Variants in PBX3 observed in about 807,000 individuals in gnomAD.
PBX3 encodes the protein PBX homeobox 3, also known as pre-B-cell leukemia transcription factor 3.
Under a neutral mutation model 48.5 loss-of-function variants are expected in PBX3, and 14 were observed. The observed-to-expected ratio is 0.29, with a 90% CI of 0.19 to 0.45. PBX3 has a LOEUF of 0.45. Ranked by LOEUF, PBX3 falls within the 20% of genes least tolerant of loss-of-function variation. The pLI, the probability that PBX3 is intolerant of heterozygous loss-of-function variation, is 1.00. For synonymous variants in PBX3, 210 were observed against 200.3 expected, an observed-to-expected ratio of 1.05 and a Z score of -0.41; for missense variants, 386 against 546.7, an observed-to-expected ratio of 0.71 and a Z score of 2.93.
At chr9:125,780,689 G>A (rs1412037915) in intron 2 of PBX3, among the ~76,000 whole-genome samples, 6 of 130,248 alleles carry the variant, frequency 4.6e-5, no homozygotes, top group African/African-American at 1.5e-4. Flanking sequence ...CCGGGCGGGG[G>A]GCTGACCACC....
intron 2 of PBX3, among the ~76,000 whole-genome samples, chr9:125,902,642 T>A (rs1462556517): frequency 6.6e-6 from 1 of 151,770 alleles, no homozygotes; most frequent in African/African-American, 2.4e-5. Context: ...GCTACCTTTT[T>A]AAATATTTGA....
At chr9:125,863,476 C>G (rs898808236) in intron 2 of PBX3, among the ~76,000 whole-genome samples, 1 of 152,144 alleles carries the variant, frequency 6.6e-6, no homozygotes, top group Non-Finnish European at 1.5e-5. Context: ...TCCCAAAGTG[C>G]TGGGATTACA....
intron 2 of PBX3, among the ~76,000 whole-genome samples, chr9:125,911,506 A>C (rs1015559298): frequency 2.0e-5 from 3 of 152,168 alleles, no homozygotes; most frequent in Non-Finnish European, 4.4e-5. Context: ...GAAAAATTAT[A>C]AGAATAACAG....
intron 2 of PBX3, among the ~76,000 whole-genome samples, chr9:125,862,076 A>G (rs1056355143): frequency 1.3e-5 from 2 of 152,208 alleles, no homozygotes; most frequent in African/African-American, 4.8e-5. Context: ...ACATTTCTGA[A>G]ATCAGGATGC....
At chr9:125,758,850 C>T (rs1028726531) in intron 2 of PBX3, among the ~76,000 whole-genome samples, 1 of 152,086 alleles carries the variant, frequency 6.6e-6, no homozygotes, top group Admixed American at 6.5e-5. Context: ...TGCTTTAAAT[C>T]TAAAGTAATA....
rs573481773 is a variant in PBX3 at position 125,898,981 on chromosome 9, A to G, written c.275-16705A>G. On this transcript the variant is annotated intron_variant, in intron 2 of 8. Coordinates refer to ENST00000373489, the MANE Select transcript of PBX3 (RefSeq NM_006195.6). ...CTGATGGGTATGAAAACAAAAACAA[A>G]AACAACTCTCAGAAACCCATTTTGA... is the stretch of plus-strand genomic sequence containing the variant. Among the ~76,000 whole-genome samples, 66 of 151,538 alleles carry G rather than the reference A, an allele frequency of 4.4e-4. 1 individual carries two copies. In the Middle Eastern group the frequency reaches 0.014, roughly 31 times the overall value.
chr9:125,783,329 C>T (rs953093516), intron 2 of PBX3, among the ~76,000 whole-genome samples: 6 of 151,978 alleles, frequency 3.9e-5, no homozygotes, highest in Non-Finnish European at 8.8e-5. Flanking sequence ...CTCATGTTGC[C>T]CAGGCTGGAC....
At chr9:125,872,971 G>T (rs938729701) in intron 2 of PBX3, among the ~76,000 whole-genome samples, 4 of 151,526 alleles carry the variant, frequency 2.6e-5, no homozygotes, top group Non-Finnish European at 5.9e-5. Flanking sequence ...AGACCGAGGC[G>T]GGTGGATCAT....
At position 125,796,798 on chromosome 9, in the gene PBX3, TATATA is replaced by T. The variant is rs1837794384; in HGVS notation, c.274+48179_274+48183del. Reference sequence around the variant, plus strand: ...AGTCACTTTATATAATATATAAAAATATATAATACACCGTAAGGACTATAGTTAAT... The same window carrying T: ...AGTCACTTTATATAATATATAAAAATATACACCGTAAGGACTATAGTTAAT... On this transcript the variant is annotated intron_variant, in intron 2 of 8. Transcript: ENST00000373489. 2.6e-5 allele frequency among the ~76,000 whole-genome samples: 4 copies of T among 152,066 alleles called. No homozygotes were observed. In the South Asian group the frequency reaches 8.3e-4, roughly 32 times the overall value.
At chr9:125,949,985 CA>C (rs1842157750) in intron 5 of PBX3, among the ~76,000 whole-genome samples, 2 of 150,800 alleles carry the variant, frequency 1.3e-5, no homozygotes, top group African/African-American at 5.0e-5. Context: ...CAAAATCTGT[CA>C]AAGAGGCTCT....
intron 2 of PBX3, among the ~76,000 whole-genome samples, chr9:125,751,741 T>G (rs1836380793): frequency 6.6e-6 from 1 of 152,158 alleles, no homozygotes; most frequent in African/African-American, 2.4e-5. Flanking sequence ...ATGTTAAGAT[T>G]TTTCTCCTGA....
chr9:125,911,242 G>A (rs1028347711), intron 2 of PBX3, among the ~76,000 whole-genome samples: 5 of 152,010 alleles, frequency 3.3e-5, no homozygotes, highest in African/African-American at 1.2e-4. Context: ...TATTTTGACT[G>A]CATCTTACTT....
intron 2 of PBX3, among the ~76,000 whole-genome samples, chr9:125,780,961 T>C (rs1837282474): frequency 2.0e-5 from 2 of 101,466 alleles, no homozygotes; most frequent in Non-Finnish European, 3.8e-5. Flanking sequence ...CCAGACGGGG[T>C]TGCGGCCGGG....
chr9:125,926,453 G>C (rs1026085946), intron 3 of PBX3, among the ~76,000 whole-genome samples: 1 of 152,130 alleles, frequency 6.6e-6, no homozygotes, highest in Non-Finnish European at 1.5e-5. Flanking sequence ...TCAGAAGGCG[G>C]AGGTTGCAGT....
intron 2 of PBX3, among the ~76,000 whole-genome samples, chr9:125,845,364 C>T (rs754651951): frequency 2.6e-5 from 4 of 152,008 alleles, no homozygotes; most frequent in African/African-American, 7.2e-5. Flanking sequence ...GAAAAAATTA[C>T]GCTAAAACAA....
chr9:125,874,988 G>A (rs1329212443), intron 2 of PBX3, among the ~76,000 whole-genome samples: 1 of 152,140 alleles, frequency 6.6e-6, no homozygotes, highest in African/African-American at 2.4e-5. Context: ...CTTTCATTCA[G>A]TTGAATACTG....
At chr9:125,906,396 C>T (rs1410797772) in intron 2 of PBX3, among the ~76,000 whole-genome samples, 1 of 151,942 alleles carries the variant, frequency 6.6e-6, no homozygotes, top group African/African-American at 2.4e-5. Context: ...ACATTCCTTC[C>T]TGCAAGAGGA....
intron 2 of PBX3, among the ~76,000 whole-genome samples, chr9:125,755,157 C>T (rs989101231): frequency 1.1e-4 from 17 of 151,912 alleles, no homozygotes; most frequent in African/African-American, 4.1e-4. Flanking sequence ...CTTCAGAGTC[C>T]AGCAGGTGGC....
chr9:125,933,608 T>G (rs1357380026), intron 4 of PBX3, among the ~76,000 whole-genome samples: 1 of 152,010 alleles, frequency 6.6e-6, no homozygotes. Context: ...TATAGTGGAA[T>G]TGAGTGGAGT....
Sources: gnomAD v4.1 joint callset for allele counts (sites outside exome capture counted in the v4.1 genomes callset) on GRCh38, gnomAD v4.1.1 for gene constraint, MANE v1.5 for transcripts, NCBI Gene and HGNC (gene_info 2026-07-23, HGNC 2026-07-21) for gene names.